Variants in ASTN2 observed in about 807,000 individuals in gnomAD.
The protein encoded by ASTN2 is astrotactin-2.
In ASTN2, 54 loss-of-function variants were observed where a neutral mutation model predicts 139.8. The ratio of observed to expected loss-of-function variants is 0.39; its 90% CI spans 0.31 to 0.48. ASTN2 has a LOEUF of 0.48. ASTN2 is among the 20% of genes least tolerant of loss of function. ASTN2 has a pLI of 0.95. For missense variants in ASTN2, 1,565 were observed against 1,725.1 expected, an observed-to-expected ratio of 0.91 and a Z score of 1.64; for synonymous variants, 756 against 719.5, an observed-to-expected ratio of 1.05 and a Z score of -0.81.
At chr9:117,265,218 G>A (rs190824153) in intron 2 of ASTN2, among the ~76,000 whole-genome samples, 2 of 152,290 alleles carry the variant, frequency 1.3e-5, no homozygotes, top group East Asian at 3.9e-4. Flanking sequence ...AGGCAGGGAA[G>A]AAAAAGAAGG....
At chr9:117,292,106 C>G (rs529080219) in intron 1 of ASTN2, among the ~76,000 whole-genome samples, 1 of 152,284 alleles carries the variant, frequency 6.6e-6, no homozygotes, top group Non-Finnish European at 1.5e-5. Context: ...ATACTGCACT[C>G]CCAAGCAAGG....
chr9:117,049,836 C>T (rs974092659), intron 5 of ASTN2, among the ~76,000 whole-genome samples: 1 of 152,156 alleles, frequency 6.6e-6, no homozygotes, highest in Non-Finnish European at 1.5e-5. Flanking sequence ...GTATATTTAG[C>T]AGGCTGACGA....
chr9:117,361,970 T>C (rs747252747), intron 1 of ASTN2, among the ~76,000 whole-genome samples: 1 of 96,746 alleles, frequency 1.0e-5, no homozygotes. Context: ...TTGGTTTTGT[T>C]TGTTTGTTTT....
chr9:117,119,583 T>C (rs1271900753), intron 4 of ASTN2, among the ~76,000 whole-genome samples: 5 of 152,188 alleles, frequency 3.3e-5, no homozygotes, highest in Non-Finnish European at 7.4e-5. Flanking sequence ...AAAGAACACA[T>C]GCAATGATTG....
intron 7 of ASTN2, among the ~76,000 whole-genome samples, chr9:116,984,007 T>C (rs1211659564): frequency 6.6e-6 from 1 of 152,200 alleles, no homozygotes; most frequent in Non-Finnish European, 1.5e-5. Flanking sequence ...TTGGCAAAAG[T>C]TTCTGATGTA....
At position 116,698,283 on chromosome 9, in the gene ASTN2, T is replaced by A. The variant is rs1267356073; in HGVS notation, c.2806+27488A>T. 10 of 1,613,854 alleles carry A rather than the reference T, an allele frequency of 6.2e-6. No homozygotes were observed. The highest frequency in any genetic ancestry group is 8.5e-6 in the Non-Finnish European group (10 of 1,179,978). On this transcript the variant is annotated intron_variant, in intron 16 of 22. Coordinates refer to ENST00000313400, the MANE Select transcript of ASTN2 (RefSeq NM_001365068.1). The surrounding 1 kb of genome is among the most constrained non-coding windows in gnomAD (Gnocchi z 4.4). Reference sequence around the variant, plus strand: ...TGTCTCCAAGGACCTTCAGGCAAGGTATAAAGCAGTTCTCCAGGAGTATGG... The same window carrying A: ...TGTCTCCAAGGACCTTCAGGCAAGGAATAAAGCAGTTCTCCAGGAGTATGG...
chr9:117,233,415 C>G (rs1222640357), intron 2 of ASTN2, among the ~76,000 whole-genome samples: 4 of 152,168 alleles, frequency 2.6e-5, no homozygotes, highest in Non-Finnish European at 5.9e-5. Context: ...ATTTACCTTC[C>G]CTGACTCCCA....
intron 1 of ASTN2, among the ~76,000 whole-genome samples, chr9:117,408,070 GA>G (rs1174101393): frequency 1.3e-5 from 2 of 152,084 alleles, no homozygotes; most frequent in African/African-American, 4.8e-5. Context: ...AGGTGCTTAG[GA>G]TAGATTGGAG....
At chr9:116,499,243 T>C (rs1014142625) in intron 19 of ASTN2, among the ~76,000 whole-genome samples, 10 of 152,214 alleles carry the variant, frequency 6.6e-5, no homozygotes, top group Admixed American at 2.0e-4. Flanking sequence ...GCCTTGTCCA[T>C]GTTGTTCATG....
intron 3 of ASTN2, among the ~76,000 whole-genome samples, chr9:117,167,023 T>A (rs1158494466): frequency 6.6e-6 from 1 of 152,166 alleles, no homozygotes; most frequent in South Asian, 2.1e-4. Flanking sequence ...TTAGCAGTGA[T>A]ATTTATCTTA....
At chr9:117,244,332 G>A (rs1432156491) in intron 2 of ASTN2, among the ~76,000 whole-genome samples, 1 of 152,150 alleles carries the variant, frequency 6.6e-6, no homozygotes, top group East Asian at 1.9e-4. Context: ...TCTGGCCACT[G>A]AGATGTACAT....
At chr9:116,453,469 C>T (rs1007879996) in intron 20 of ASTN2, among the ~76,000 whole-genome samples, 10 of 151,696 alleles carry the variant, frequency 6.6e-5, no homozygotes, top group Non-Finnish European at 1.5e-5. Context: ...TGGCGGGTGC[C>T]TGTAGTCCCA....
At chr9:116,548,773 C>A (rs940773400) in intron 19 of ASTN2, among the ~76,000 whole-genome samples, 2 of 152,128 alleles carry the variant, frequency 1.3e-5, no homozygotes, top group African/African-American at 4.8e-5. Context: ...TGTGCCCGGC[C>A]TGGGGAAGGT....
chr9:116,887,271 A>C (rs1365173075), intron 10 of ASTN2, among the ~76,000 whole-genome samples: 1 of 152,100 alleles, frequency 6.6e-6, no homozygotes, highest in African/African-American at 2.4e-5. Context: ...AATACATGCA[A>C]GCACATCGTA....
intron 4 of ASTN2, among the ~76,000 whole-genome samples, 186 bp downstream of exon 4, chr9:117,141,140 C>T (rs907650822): frequency 1.7e-4 from 26 of 152,042 alleles, no homozygotes; most frequent in Non-Finnish European, 3.4e-4. Flanking sequence ...ACCTGGGGCT[C>T]AGAGAGGTTA....
In ASTN2 at chr9:117,326,011, C is replaced by A. The variant is rs1051588256; in HGVS notation, c.443-34498G>T. Among the ~76,000 whole-genome samples the A allele has an allele frequency of 5.9e-5, 9 of 152,232 alleles. No homozygotes were observed. The South Asian group carries it at 1.0e-3, about 18-fold the overall frequency. Reference sequence around the variant, plus strand: ...TGAGGGAGGGGTGGGGCATTCTCATCCCTTTCAGAAGAGGCCACACAGCGG... The same window carrying A: ...TGAGGGAGGGGTGGGGCATTCTCATACCTTTCAGAAGAGGCCACACAGCGG... On this transcript the variant is annotated intron_variant, in intron 1 of 22. Transcript: ENST00000313400.
chr9:116,914,547 T>TTTATTATTATTATTATTATTATTA (rs144153990), intron 10 of ASTN2, among the ~76,000 whole-genome samples: 2 of 146,896 alleles, frequency 1.4e-5, no homozygotes, highest in Admixed American at 6.8e-5. Context: ...TGTAAAGTGT[T>TTTATTATTATTATTATTATTATTA]TTATTATTAT....
intron 19 of ASTN2, among the ~76,000 whole-genome samples, chr9:116,489,010 T>C (rs1849425930): frequency 6.6e-6 from 1 of 152,226 alleles, no homozygotes. Flanking sequence ...TAAAATGATA[T>C]GAGGCCTCTC....
At chr9:116,777,552 G>T (rs536583970) in intron 13 of ASTN2, among the ~76,000 whole-genome samples, 1 of 152,180 alleles carries the variant, frequency 6.6e-6, no homozygotes, top group Admixed American at 6.5e-5. Context: ...GAGAGTAGAC[G>T]TGGCATGTGA....
Sources: gnomAD v4.1 joint callset for allele counts (sites outside exome capture counted in the v4.1 genomes callset) on GRCh38, gnomAD v4.1.1 for gene constraint, Gnocchi (gnomAD v3.1) non-coding constraint, MANE v1.5 for transcripts, NCBI Gene and HGNC (gene_info 2026-07-23, HGNC 2026-07-21) for gene names.